Variants in DNAJC21 observed in about 807,000 individuals in gnomAD.
The protein encoded by DNAJC21 is dnaJ homolog subfamily C member 21.
A neutral mutation model predicts 72.4 loss-of-function variants in DNAJC21; 63 were observed. The observed-to-expected ratio is 0.87, with a 90% CI of 0.71 to 1.07. DNAJC21 has a LOEUF of 1.07. Ranked by LOEUF, DNAJC21 falls within the 50% of genes least tolerant of loss-of-function variation. The pLI is 0.00. For synonymous variants in DNAJC21, 203 were observed against 216.7 expected (o/e 0.94, Z 0.56); for missense variants, 634 against 644.8 (o/e 0.98, Z 0.18).
chr5:34,946,981 T>A (rs1765192519), intron 9 of DNAJC21, among the ~76,000 whole-genome samples: 1 of 152,170 alleles, frequency 6.6e-6, no homozygotes, highest in East Asian at 1.9e-4. Flanking sequence ...TTGTAGCAAG[T>A]TCAGACCTAG....
chr5:34,946,403 G>A (rs1271892276), intron 9 of DNAJC21, among the ~76,000 whole-genome samples: 1 of 151,968 alleles, frequency 6.6e-6, no homozygotes, highest in Non-Finnish European at 1.5e-5. Flanking sequence ...TTTTACCAAG[G>A]ACATTTGGAT....
chr5:34,944,077 T>C (rs1438876669), intron 7 of DNAJC21, among the ~76,000 whole-genome samples: 2 of 152,246 alleles, frequency 1.3e-5, no homozygotes, highest in Non-Finnish European at 2.9e-5. Context: ...ATGAAGTAGA[T>C]AGTTGACAAA....
intron 7 of DNAJC21, among the ~76,000 whole-genome samples, chr5:34,944,666 C>A (rs917676958): frequency 6.6e-6 from 1 of 151,716 alleles, no homozygotes; most frequent in African/African-American, 2.4e-5. Context: ...AGTATGCTCA[C>A]TGCCAAGGAA....
chr5:34,945,856 C>A, intron 9 of DNAJC21, 53 bp downstream of exon 9: 1 of 1,294,954 alleles, frequency 7.7e-7, no homozygotes, highest in Non-Finnish European at 1.1e-6. Flanking sequence ...AGTTGCAGTG[C>A]TCTTATTTAT....
At chr5:34,950,086 A>C in intron 9 of DNAJC21, 84 bp from the exon 10 acceptor site, 2 of 1,419,288 alleles carry the variant, frequency 1.4e-6, no homozygotes, top group Non-Finnish European at 1.9e-6. Flanking sequence ...TCCCGAAGGT[A>C]TATAACTATT....
chr5:34,936,890 A>C (rs1764798710), intron 4 of DNAJC21, among the ~76,000 whole-genome samples: 1 of 152,108 alleles, frequency 6.6e-6, no homozygotes, highest in Admixed American at 6.5e-5. Context: ...AGCTGGGATT[A>C]CAGGCTCCCA....
chr5:34,938,159 T>C (rs551520325), intron 5 of DNAJC21, among the ~76,000 whole-genome samples: 2 of 152,334 alleles, frequency 1.3e-5, no homozygotes, highest in African/African-American at 4.8e-5. Context: ...AGAGATCCTT[T>C]AGACTTTTGT....
chr5:34,929,755 TCGGCCCGGGCC>T lies in DNAJC21; in HGVS notation c.-61_-51del. 1.2e-6 allele frequency: 1 copy of T among 860,320 alleles called. No individual in the cohort carries two copies. The highest frequency in any genetic ancestry group is 1.4e-6 in the Non-Finnish European group (1 of 703,024). 53.3% of individuals were successfully genotyped at this position (860,320 alleles called of 1,614,324 possible). On this transcript the variant is annotated 5_prime_UTR_variant, in exon 1 of 12. Coordinates refer to ENST00000648817, the MANE Select transcript of DNAJC21 (RefSeq NM_001012339.3). ...TGCCAGCGCCGCCGCCGCCGCCGCT[TCGGCCCGGGCC>T]CGGGCCCCGACCCCGTCCCGGGCCC...
intron 7 of DNAJC21, among the ~76,000 whole-genome samples, chr5:34,944,169 G>C (rs1765092888): frequency 6.6e-6 from 1 of 152,182 alleles, no homozygotes; most frequent in Non-Finnish European, 1.5e-5. Flanking sequence ...GTTGCCTGTA[G>C]GTGTGCTGAG....
chr5:34,954,449 CTT>C, intron 11 of DNAJC21, 102 bp from the exon 12 acceptor site: 1 of 1,370,966 alleles, frequency 7.3e-7, no homozygotes, highest in Non-Finnish European at 9.8e-7. Flanking sequence ...GTTAAAACAT[CTT>C]TATTTTACAA....
rs540736808 is a variant in DNAJC21, at chr5:34,957,643, G to A, written c.*2929G>A. ...TAAATCCTCCCCTACAAAATTTTCA[G>A]ATTGGAAATTACTCTTGTATTTGTA... On this transcript the variant is annotated 3_prime_UTR_variant, in exon 12 of 12. Transcript: ENST00000648817. 6.6e-6 allele frequency: 1 copy of A among 152,248 alleles called. No homozygotes were observed. The highest frequency in any genetic ancestry group is 2.1e-4 in the South Asian group (1 of 4,818). 9.4% of individuals were successfully genotyped at this position (152,248 alleles called of 1,614,324 possible).
intron 5 of DNAJC21, among the ~76,000 whole-genome samples, chr5:34,938,251 C>T (rs1011302747): frequency 6.6e-6 from 1 of 152,224 alleles, no homozygotes; most frequent in South Asian, 2.1e-4. Context: ...GCCTTCCTCA[C>T]AGCAATGCTG....
Position 34,929,745 on chromosome 5 carries a change from C to T in DNAJC21, c.-75C>T. On this transcript the variant is annotated 5_prime_UTR_variant, in exon 1 of 12. Transcript: ENST00000648817. ...CGGAGAGGACTGCCAGCGCCGCCGC[C>T]GCCGCCGCTTCGGCCCGGGCCCGGG... is the stretch of plus-strand genomic sequence containing the variant. 1 of 753,914 alleles carries T rather than the reference C, an allele frequency of 1.3e-6. No homozygotes were observed. Among genetic ancestry groups the T allele is most frequent in the Non-Finnish European group, 1.6e-6 (1 of 607,112 alleles). The allele number at this position is 753,914 out of a possible 1,614,324, so 46.7% of individuals were successfully genotyped here. A position where few individuals can be genotyped will look rare whatever the true frequency, so the allele number is the denominator to read the frequency against.
Position 34,958,252 on chromosome 5 carries a change from C to A in DNAJC21, c.*3538C>A, listed in dbSNP as rs1275820868. On this transcript the variant is annotated 3_prime_UTR_variant, in exon 12 of 12. Transcript: ENST00000648817. ...TGTCAAAGAATATTTTAAAGGTATA[C>A]CAGTTAAAGTAGTGTGTGGCTGGTG... 1 of 152,128 alleles carries A rather than the reference C, an allele frequency of 6.6e-6. No individual in the cohort carries two copies. The highest frequency in any genetic ancestry group is 2.4e-5 in the African/African-American group (1 of 41,438). The allele number at this position is 152,128 out of a possible 1,614,324, so 9.4% of individuals were successfully genotyped here.
intron 6 of DNAJC21, 31 bp downstream of exon 6, chr5:34,939,040 T>C (rs1435786972): frequency 6.8e-7 from 1 of 1,474,142 alleles, no homozygotes; most frequent in African/African-American, 1.4e-5. Flanking sequence ...TTTATCTTTT[T>C]TGTTTTTTAA....
intron 9 of DNAJC21, 55 bp downstream of exon 9, chr5:34,945,858 CTTAT>C: frequency 3.2e-6 from 4 of 1,263,272 alleles, no homozygotes; most frequent in Non-Finnish European, 4.5e-6. Flanking sequence ...TTGCAGTGCT[CTTAT>C]TTATTCAGTG....
At chr5:34,949,677 G>T (rs766592426) in intron 9 of DNAJC21, 2 of 1,613,732 alleles carry the variant, frequency 1.2e-6, no homozygotes, top group South Asian at 2.2e-5. Flanking sequence ...AAAACAGACA[G>T]GTACGCTTAG....
Position 34,955,712 on chromosome 5 carries a change from A to G in DNAJC21, c.*998A>G, listed in dbSNP as rs1364698837. 4 of 152,154 alleles carry G rather than the reference A, an allele frequency of 2.6e-5. No homozygotes were observed. Among genetic ancestry groups the G allele is most frequent in the Non-Finnish European group, 5.9e-5 (4 of 68,030 alleles). The allele number at this position is 152,154 out of a possible 1,614,324, so 9.4% of individuals were successfully genotyped here. A position where few individuals can be genotyped will look rare whatever the true frequency, so the allele number is the denominator to read the frequency against. On this transcript the variant is annotated 3_prime_UTR_variant, in exon 12 of 12. Transcript: ENST00000648817. ...AGAACAGTCGTGTACATTGATCAGTATTGAGTCCATTTTTAGGATGGATTA... is the reference window on the plus strand; with the variant it reads ...AGAACAGTCGTGTACATTGATCAGTGTTGAGTCCATTTTTAGGATGGATTA...
At chr5:34,933,367 G>T (rs1293368405) in intron 1 of DNAJC21, among the ~76,000 whole-genome samples, 3 of 152,132 alleles carry the variant, frequency 2.0e-5, no homozygotes, top group Non-Finnish European at 4.4e-5. Flanking sequence ...TGCTTCTTGG[G>T]TTCAAGTGAT....
Sources: gnomAD v4.1 joint callset for allele counts (sites outside exome capture counted in the v4.1 genomes callset) on GRCh38, gnomAD v4.1.1 for gene constraint, MANE v1.5 for transcripts, NCBI Gene and HGNC (gene_info 2026-07-23, HGNC 2026-07-21) for gene names.